The following NFATC3 variants were observed in gnomAD, a reference collection of about 807,000 sequenced individuals.
NFATC3 encodes nuclear factor of activated T cells 3.
Under a neutral mutation model 98.6 loss-of-function variants are expected in NFATC3, and 46 were observed. The observed-to-expected ratio is 0.47, with a 90% CI of 0.37 to 0.60. The LOEUF (loss-of-function observed/expected upper bound fraction) is 0.60, where lower values mean the gene tolerates loss of function less well. Among genes scored for constraint, NFATC3 ranks in the 20% least tolerant of loss-of-function variants. NFATC3 has a pLI of 0.00. For synonymous variants in NFATC3, 512 were observed against 472.2 expected, an observed-to-expected ratio of 1.08 and a Z score of -1.09; for missense variants, 1,256 against 1,295.5, an observed-to-expected ratio of 0.97 and a Z score of 0.47.
intron 9 of NFATC3, among the ~76,000 whole-genome samples, chr16:68,224,274 C>CTTTTT (rs952835724): frequency 1.6e-4 from 19 of 121,652 alleles, no homozygotes; most frequent in African/African-American, 4.6e-4. Flanking sequence ...TAAGCCAAAT[C>CTTTTT]TTTTTTTTTT....
chr16:68,172,398 A>G (rs945495312), intron 5 of NFATC3, among the ~76,000 whole-genome samples: 2 of 152,200 alleles, frequency 1.3e-5, no homozygotes, highest in Non-Finnish European at 2.9e-5. Flanking sequence ...ATGTGAAGAG[A>G]TATAATCAAC....
chr16:68,152,082 G>C (rs1237045906), intron 3 of NFATC3, among the ~76,000 whole-genome samples: 7 of 148,656 alleles, frequency 4.7e-5, no homozygotes, highest in Non-Finnish European at 7.4e-5. Context: ...AAAAAAAAAG[G>C]CTGGGTGCAG....
At chr16:68,209,746 C>T (rs931019373) in intron 9 of NFATC3, 9 of 474,348 alleles carry the variant, frequency 1.9e-5, no homozygotes, top group Non-Finnish European at 2.9e-5. Context: ...GGGGAAACCC[C>T]GTAAAGTGGT....
chr16:68,159,616 G>A (rs1421854712), intron 4 of NFATC3, among the ~76,000 whole-genome samples: 2 of 150,916 alleles, frequency 1.3e-5, no homozygotes, highest in South Asian at 2.1e-4. Flanking sequence ...GTAGAGATGG[G>A]GTTTCACCGT....
At chr16:68,191,892 A>G (rs1283980535) in intron 9 of NFATC3, 117 bp downstream of exon 9, 5 of 1,091,364 alleles carry the variant, frequency 4.6e-6, no homozygotes, top group Non-Finnish European at 6.7e-6. Context: ...GCTTTTAAAT[A>G]AGTTGTTATT....
chr16:68,225,577 C>G (rs1214839340), intron 9 of NFATC3: 1 of 152,166 alleles, frequency 6.6e-6, no homozygotes, highest in Non-Finnish European at 1.5e-5. Context: ...ATTGTTTCCA[C>G]TTTTTGGCTA....
chr16:68,206,607 A>G (rs2041155053), intron 9 of NFATC3, among the ~76,000 whole-genome samples: 1 of 152,198 alleles, frequency 6.6e-6, no homozygotes, highest in Non-Finnish European at 1.5e-5. Flanking sequence ...ATAGCATATT[A>G]TTTACATATA....
chr16:68,173,914 C>T (rs575078201), intron 5 of NFATC3, among the ~76,000 whole-genome samples: 76 of 151,972 alleles, frequency 5.0e-4, no homozygotes, highest in South Asian at 6.2e-4. Flanking sequence ...TTTGGGAGGC[C>T]AAGGCAGGAG....
chr16:68,178,672 G>T (rs1351537416), intron 6 of NFATC3, among the ~76,000 whole-genome samples: 1 of 152,192 alleles, frequency 6.6e-6, no homozygotes, highest in Non-Finnish European at 1.5e-5. Context: ...CTTTCTGTAG[G>T]TGTCACATTT....
chr16:68,185,999 A>C (rs2040184577), intron 8 of NFATC3, among the ~76,000 whole-genome samples: 1 of 152,144 alleles, frequency 6.6e-6, no homozygotes, highest in Admixed American at 6.5e-5. Context: ...TCTGGAATGG[A>C]AAGAAAACAT....
At chr16:68,110,382 C>A (rs2035881466) in intron 1 of NFATC3, among the ~76,000 whole-genome samples, 1 of 150,166 alleles carries the variant, frequency 6.7e-6, no homozygotes, top group Non-Finnish European at 1.5e-5. Flanking sequence ...AATCTCGGCT[C>A]ACTGTAAGCT....
At chr16:68,093,287 T>C (rs1478397844) in intron 1 of NFATC3, among the ~76,000 whole-genome samples, 1 of 151,856 alleles carries the variant, frequency 6.6e-6, no homozygotes, top group African/African-American at 2.4e-5. Flanking sequence ...GATTCATTTC[T>C]GTTGCTAATT....
intron 9 of NFATC3, chr16:68,221,217 T>A (rs1485693463): frequency 6.2e-7 from 1 of 1,614,062 alleles, no homozygotes; most frequent in African/African-American, 1.3e-5. Context: ...AGTAATAATT[T>A]TGACTTGCTT....
intron 9 of NFATC3, among the ~76,000 whole-genome samples, chr16:68,208,995 C>G (rs2041263542): frequency 1.3e-5 from 2 of 152,052 alleles, no homozygotes; most frequent in African/African-American, 4.8e-5. Flanking sequence ...TTTTTCTAAC[C>G]TAATTGCTCT....
At chr16:68,190,671 T>C in intron 8 of NFATC3, 97 bp from the exon 9 acceptor site, 1 of 1,321,204 alleles carries the variant, frequency 7.6e-7, no homozygotes, top group Non-Finnish European at 1.0e-6. Flanking sequence ...AGTTTGCCCC[T>C]CAGCTTACGC....
intron 8 of NFATC3, among the ~76,000 whole-genome samples, chr16:68,185,869 A>G (rs2040176781): frequency 6.6e-6 from 1 of 151,574 alleles, no homozygotes; most frequent in Admixed American, 6.6e-5. Context: ...TCTCAAAAAA[A>G]AAAAAAAAAA....
At position 68,116,095 on chromosome 16, in the gene NFATC3, T is replaced by C. The variant is rs1567505057; in HGVS notation, c.104-5892T>C. On this transcript the variant is annotated intron_variant, in intron 1 of 9. Transcript: ENST00000346183. Reference sequence around the variant, plus strand: ...TTCTACCCTTGTGTGAAAATAACCATAGATAGTATATAAATGAATGAGCAT... The same window carrying C: ...TTCTACCCTTGTGTGAAAATAACCACAGATAGTATATAAATGAATGAGCAT... Among the ~76,000 whole-genome samples the C allele has an allele frequency of 3.3e-5, 5 of 152,128 alleles. No homozygotes were observed. In the South Asian group the frequency reaches 1.0e-3, roughly 32 times the overall value.
chr16:68,118,658 A>G (rs1002874639), intron 1 of NFATC3, among the ~76,000 whole-genome samples: 2 of 152,292 alleles, frequency 1.3e-5, no homozygotes, highest in Admixed American at 1.3e-4. Context: ...TAAATTTCAT[A>G]TATACGTTAA....
chr16:68,222,032 G>A (rs181748247), intron 9 of NFATC3, among the ~76,000 whole-genome samples: 1 of 152,030 alleles, frequency 6.6e-6, no homozygotes, highest in East Asian at 1.9e-4. Flanking sequence ...GGTCACGCCT[G>A]TAATCCTAGT....
Sources: gnomAD v4.1 joint callset for allele counts (sites outside exome capture counted in the v4.1 genomes callset) on GRCh38, gnomAD v4.1.1 for gene constraint, MANE v1.5 for transcripts, NCBI Gene and HGNC (gene_info 2026-07-23, HGNC 2026-07-21) for gene names.